The following ANO4 variants were observed in gnomAD, a reference collection of about 807,000 sequenced individuals.
The protein encoded by ANO4 is anoctamin-4.
In ANO4, 69 loss-of-function variants were observed where a neutral mutation model predicts 141.9. The ratio of observed to expected loss-of-function variants is 0.49; its 90% CI spans 0.40 to 0.59. The LOEUF (loss-of-function observed/expected upper bound fraction) is 0.59, where lower values mean the gene tolerates loss of function less well. ANO4 is among the 20% of genes least tolerant of loss of function. The pLI is 0.00. For missense variants in ANO4, 894 were observed against 1,162.2 expected (o/e 0.77, Z 3.36); for synonymous variants, 350 against 394.3 (o/e 0.89, Z 1.33).
intron 24 of ANO4, among the ~76,000 whole-genome samples, chr12:101,113,590 C>T (rs932454032): frequency 1.3e-5 from 2 of 152,030 alleles, no homozygotes; most frequent in Admixed American, 1.3e-4. Context: ...ATGTATGTTT[C>T]TTCATGAATC....
intron 1 of ANO4, among the ~76,000 whole-genome samples, chr12:100,890,206 A>C (rs141794759): frequency 4.6e-5 from 7 of 152,340 alleles, no homozygotes; most frequent in African/African-American, 1.7e-4. Context: ...TAAAAGAGGA[A>C]ATTGAAGCTC....
chr12:101,071,828 A>C (rs1439665431), intron 14 of ANO4, among the ~76,000 whole-genome samples: 2 of 152,148 alleles, frequency 1.3e-5, no homozygotes, highest in Non-Finnish European at 2.9e-5. Context: ...ACACCTACTA[A>C]GTACCCACAA....
Position 101,111,577 on chromosome 12 carries a change from A to G in ANO4, c.2317A>G (p.Ile773Val). Reference sequence around the variant, plus strand: ...TATTTGAATAGGAATTTGGTATGGAATTCTTGAAGGCATTGGAATTCTCTC... The same window carrying G: ...TATTTGAATAGGAATTTGGTATGGAGTTCTTGAAGGCATTGGAATTCTCTC... Reference protein sequence around the residue: ...RAKDIGIWYGILEGIGILSVI... With the variant: ...RAKDIGIWYGVLEGIGILSVI... Residue 773 changes from isoleucine to valine, a missense_variant, in exon 24 of 28, where the codon ATT becomes GTT. This residue lies in a region of ANO4 where 637 missense variants were observed against 909.2 expected (regional missense o/e 0.70). Coordinates refer to ENST00000392977, the MANE Select transcript of ANO4 (RefSeq NM_001286615.2). 1.2e-6 allele frequency: 2 copies of G among 1,605,970 alleles called. No homozygotes were observed. The highest frequency in any genetic ancestry group is 2.2e-5 in the South Asian group (2 of 89,346).
intron 9 of ANO4, among the ~76,000 whole-genome samples, chr12:101,025,431 G>A (rs1157994903): frequency 1.3e-5 from 2 of 152,108 alleles, no homozygotes; most frequent in Non-Finnish European, 2.9e-5. Flanking sequence ...AAGAAGTACC[G>A]GAAGGCAGCG....
At chr12:100,737,228 A>G (rs2031655070) in intron 2 of ANO4, among the ~76,000 whole-genome samples, 1 of 152,182 alleles carries the variant, frequency 6.6e-6, no homozygotes, top group South Asian at 2.1e-4. Flanking sequence ...ACATTGTGAA[A>G]GGCCTTCTCC....
At chr12:100,846,629 G>T (rs1207309661) in intron 1 of ANO4, among the ~76,000 whole-genome samples, 1 of 152,072 alleles carries the variant, frequency 6.6e-6, no homozygotes, top group East Asian at 1.9e-4. Context: ...TAATTTTTAT[G>T]CTCTAGAGCT....
intron 14 of ANO4, among the ~76,000 whole-genome samples, chr12:101,070,130 T>C (rs2048750477): frequency 6.6e-6 from 1 of 152,070 alleles, no homozygotes; most frequent in African/African-American, 2.4e-5. Flanking sequence ...CCTATAAAAA[T>C]ACCAATTATG....
intron 14 of ANO4, among the ~76,000 whole-genome samples, chr12:101,072,510 C>A (rs979957015): frequency 6.6e-6 from 1 of 152,156 alleles, no homozygotes; most frequent in African/African-American, 2.4e-5. Context: ...TAGGCAACAT[C>A]ATTCAGGTCA....
At chr12:100,996,253 C>G (rs866888173) in intron 8 of ANO4, among the ~76,000 whole-genome samples, 11 of 152,294 alleles carry the variant, frequency 7.2e-5, no homozygotes, top group South Asian at 4.1e-4. Flanking sequence ...GCTTTCACGC[C>G]TTTTTCTGCT....
At chr12:101,091,038 G>A (rs1246018092) in intron 17 of ANO4, among the ~76,000 whole-genome samples, 1 of 152,186 alleles carries the variant, frequency 6.6e-6, no homozygotes, top group Non-Finnish European at 1.5e-5. Flanking sequence ...TTGTCTCCCA[G>A]AGTGTTTTAG....
chr12:101,058,417 A>ATG (rs2136711856), intron 14 of ANO4, among the ~76,000 whole-genome samples: 1 of 152,328 alleles, frequency 6.6e-6, no homozygotes, highest in South Asian at 2.1e-4. Context: ...TGGTAGCTTG[A>ATG]TGTGGATAGC....
chr12:101,095,253 T>C (rs2049935045), intron 18 of ANO4, among the ~76,000 whole-genome samples: 1 of 151,662 alleles, frequency 6.6e-6, no homozygotes, highest in Non-Finnish European at 1.5e-5. Flanking sequence ...TTTAATGTCA[T>C]TGAAATCTTC....
chr12:100,933,993 A>G (rs1245525073), intron 3 of ANO4, among the ~76,000 whole-genome samples: 1 of 152,044 alleles, frequency 6.6e-6, no homozygotes, highest in East Asian at 1.9e-4. Context: ...GATTCTGGTT[A>G]TTAGCCCTTT....
At chr12:100,820,502 C>T (rs1036150986) in intron 1 of ANO4, among the ~76,000 whole-genome samples, 1 of 151,972 alleles carries the variant, frequency 6.6e-6, no homozygotes, top group Admixed American at 6.6e-5. Flanking sequence ...CAAGGAAAGC[C>T]AAATGCATGC....
At chr12:101,095,150 G>A (rs1320547222) in intron 18 of ANO4, among the ~76,000 whole-genome samples, 1 of 152,164 alleles carries the variant, frequency 6.6e-6, no homozygotes, top group Non-Finnish European at 1.5e-5. Context: ...TCACAAAAGT[G>A]TTCCTATTTT....
At chr12:100,956,464 G>A (rs771168102) in intron 5 of ANO4, among the ~76,000 whole-genome samples, 3 of 152,158 alleles carry the variant, frequency 2.0e-5, no homozygotes, top group Non-Finnish European at 4.4e-5. Flanking sequence ...AGTCCAGCAG[G>A]CAGGAAAGAA....
intron 2 of ANO4, among the ~76,000 whole-genome samples, chr12:100,914,949 T>G (rs673807): frequency 0.74 from 112,575 of 152,132 alleles, 42,463 homozygotes; most frequent in African/African-American, 0.88. Flanking sequence ...CAAGTAGACG[T>G]GATTACAGGT....
At chr12:100,886,379 G>A (rs920711405) in intron 1 of ANO4, among the ~76,000 whole-genome samples, 2 of 151,640 alleles carry the variant, frequency 1.3e-5, no homozygotes, top group Non-Finnish European at 2.9e-5. Flanking sequence ...TGTGAAGATC[G>A]TTGCTTTCAG....
At chr12:101,112,685 A>T (rs2050706692) in intron 24 of ANO4, among the ~76,000 whole-genome samples, 1 of 152,170 alleles carries the variant, frequency 6.6e-6, no homozygotes, top group African/African-American at 2.4e-5. Flanking sequence ...AGTGCCACCA[A>T]AGCAAATCAA....
Sources: allele counts gnomAD v4.1 joint callset (sites outside exome capture counted in the v4.1 genomes callset), GRCh38; gene constraint gnomAD v4.1.1; regional missense constraint gnomAD v4.1.1; transcripts MANE v1.5; gene names NCBI Gene and HGNC (gene_info 2026-07-23, HGNC 2026-07-21).